NFIB: variants seen among roughly 807,000 people sequenced by gnomAD.
The protein encoded by NFIB is nuclear factor 1 B-type.
NFIB carries 11 observed loss-of-function variants against 61.5 expected under a neutral mutation model. The observed-to-expected ratio is 0.18, with a 90% CI of 0.11 to 0.30. The LOEUF is 0.30. Ranked by LOEUF, NFIB falls within the 10% of genes least tolerant of loss-of-function variation. NFIB has a pLI of 1.00. For synonymous variants in NFIB, 260 were observed against 216.5 expected (o/e 1.20, Z -1.76); for missense variants, 471 against 608.9 (o/e 0.77, Z 2.38).
intron 9 of NFIB, among the ~76,000 whole-genome samples, chr9:14,113,779 A>G (rs908123685): frequency 1.2e-4 from 19 of 152,220 alleles, no homozygotes; most frequent in African/African-American, 4.1e-4. Flanking sequence ...ACCTTTAAAT[A>G]GTTGGCCACT....
intron 1 of NFIB, among the ~76,000 whole-genome samples, chr9:14,366,631 A>G (rs566071299): frequency 6.6e-6 from 1 of 152,006 alleles, no homozygotes; most frequent in Non-Finnish European, 1.5e-5. Context: ...GATAACAGGC[A>G]CGTGCCACCA....
rs569957909 is a variant in NFIB, at chr9:14,183,138, C to T, written c.563-3358G>A. ...ACTAAGTTCTGTCCATCCCAACACACGCATCTGAAAATGACTGGTGGGATG... is the reference window on the plus strand; with the variant it reads ...ACTAAGTTCTGTCCATCCCAACACATGCATCTGAAAATGACTGGTGGGATG... On this transcript the variant is annotated intron_variant, in intron 2 of 10. Transcript: ENST00000380953. Among the ~76,000 whole-genome samples the T allele has an allele frequency of 3.0e-4, 45 of 152,260 alleles. 1 individual carries two copies. Among genetic ancestry groups the T allele is most frequent in the South Asian group, 4.2e-4 (2 of 4,818 alleles).
chr9:14,325,695 T>G (rs1042688487), intron 1 of NFIB, among the ~76,000 whole-genome samples: 2 of 152,140 alleles, frequency 1.3e-5, no homozygotes, highest in Non-Finnish European at 2.9e-5. Flanking sequence ...GTTTATTAGA[T>G]TTTTATATTT....
At chr9:14,374,039 G>T (rs919588249) in intron 1 of NFIB, among the ~76,000 whole-genome samples, 1 of 152,094 alleles carries the variant, frequency 6.6e-6, no homozygotes, top group Non-Finnish European at 1.5e-5. Context: ...CCATGTCCTG[G>T]GGTTGTACAC....
chr9:14,424,393 T>A, the NFIB span, among the ~76,000 whole-genome samples: 1 of 152,220 alleles, frequency 6.6e-6, no homozygotes, highest in East Asian at 1.9e-4. Context: ...CATATTGGAA[T>A]TCACAGAACA....
intron 10 of NFIB, among the ~76,000 whole-genome samples, chr9:14,092,722 G>A (rs1228344880): frequency 1.3e-5 from 2 of 152,044 alleles, no homozygotes; most frequent in Non-Finnish European, 2.9e-5. Context: ...CAAATGATCT[G>A]AAATTCTATG....
chr9:14,095,856 C>T (rs1272230506), intron 10 of NFIB, among the ~76,000 whole-genome samples: 1 of 152,134 alleles, frequency 6.6e-6, no homozygotes, highest in Non-Finnish European at 1.5e-5. Context: ...AAAGATCTTA[C>T]ATGGGCAAAA....
At chr9:14,238,471 T>C (rs35128680) in intron 2 of NFIB, among the ~76,000 whole-genome samples, 4,909 of 152,312 alleles carry the variant, frequency 0.032, 96 homozygotes, top group African/African-American at 0.049. Context: ...AAAAAGTATA[T>C]GTGCACAAAC....
At chr9:14,391,670 G>C (rs1467864602) in intron 1 of NFIB, among the ~76,000 whole-genome samples, 1 of 152,104 alleles carries the variant, frequency 6.6e-6, no homozygotes, top group Non-Finnish European at 1.5e-5. Flanking sequence ...CCCCTCCAAA[G>C]TGCTGACAGG....
At chr9:14,198,399 G>A (rs1352835301) in intron 2 of NFIB, among the ~76,000 whole-genome samples, 2 of 152,130 alleles carry the variant, frequency 1.3e-5, no homozygotes, top group Non-Finnish European at 2.9e-5. Context: ...ATGTTAACAG[G>A]TTTTTAAAAG....
intron 6 of NFIB, among the ~76,000 whole-genome samples, chr9:14,134,907 A>AAAACAAAAAAAAAAAAC (rs2040849620): frequency 7.9e-6 from 1 of 125,864 alleles, no homozygotes; most frequent in African/African-American, 3.0e-5. Flanking sequence ...CAAAAAAAAA[A>AAAACAAAAAAAAAAAAC]AAAAAAAAAA....
chr9:14,421,292 G>A, the NFIB span, among the ~76,000 whole-genome samples: 1 of 152,112 alleles, frequency 6.6e-6, no homozygotes, highest in African/African-American at 2.4e-5. Flanking sequence ...CTAGAACAAT[G>A]TCTGGCTCAA....
At chr9:14,289,784 T>C (rs550011851) in intron 2 of NFIB, among the ~76,000 whole-genome samples, 86 of 152,148 alleles carry the variant, frequency 5.7e-4, no homozygotes, top group African/African-American at 1.9e-3. Context: ...AAAATTATTC[T>C]TCAGAGAATA....
At chr9:14,427,231 C>A in the NFIB span, among the ~76,000 whole-genome samples, 4 of 152,132 alleles carry the variant, frequency 2.6e-5, no homozygotes, top group Non-Finnish European at 5.9e-5. Context: ...CTTATACTCT[C>A]TTTACTCATC....
chr9:14,495,382 G>T, the NFIB span, among the ~76,000 whole-genome samples: 2 of 151,190 alleles, frequency 1.3e-5, no homozygotes, highest in Non-Finnish European at 2.9e-5. Context: ...TTCAGGAACA[G>T]CAGAGCTACT....
At chr9:14,252,142 T>C (rs2055701597) in intron 2 of NFIB, among the ~76,000 whole-genome samples, 1 of 152,142 alleles carries the variant, frequency 6.6e-6, no homozygotes, top group Non-Finnish European at 1.5e-5. Flanking sequence ...TGCAGAGAAT[T>C]AAAAAACAAG....
At chr9:14,144,761 A>T (rs925003225) in intron 6 of NFIB, among the ~76,000 whole-genome samples, 1 of 152,160 alleles carries the variant, frequency 6.6e-6, no homozygotes, top group Non-Finnish European at 1.5e-5. Flanking sequence ...TTTAGACTGA[A>T]ATTTCTCAGT....
At chr9:14,148,780 C>G (rs1385634186) in intron 5 of NFIB, among the ~76,000 whole-genome samples, 2 of 152,158 alleles carry the variant, frequency 1.3e-5, no homozygotes, top group Non-Finnish European at 2.9e-5. Context: ...ACTCACAATT[C>G]TCAGAGTATT....
chr9:14,270,553 G>C (rs1368833049), intron 2 of NFIB, among the ~76,000 whole-genome samples: 1 of 102,252 alleles, frequency 9.8e-6, no homozygotes, highest in Non-Finnish European at 1.8e-5. Context: ...GGGAGTGAGA[G>C]ATGAGTTCTA....
Sources: allele counts gnomAD v4.1 joint callset (sites outside exome capture counted in the v4.1 genomes callset), GRCh38; gene constraint gnomAD v4.1.1; transcripts MANE v1.5; gene names NCBI Gene and HGNC (gene_info 2026-07-23, HGNC 2026-07-21).